Variants in CACNB2 observed in about 807,000 individuals in gnomAD.
CACNB2 encodes calcium voltage-gated channel auxiliary subunit beta 2.
CACNB2 carries 42 observed loss-of-function variants against 73.3 expected under a neutral mutation model. The observed-to-expected ratio is 0.57, with a 90% CI of 0.45 to 0.74. CACNB2 has a LOEUF of 0.74. CACNB2 is among the 30% of genes least tolerant of loss of function. The probability of loss-of-function intolerance (pLI) is 0.00; values close to 1 mark genes in which losing one functional copy is unlikely to be tolerated. For synonymous variants in CACNB2, 348 were observed against 310.3 expected, an observed-to-expected ratio of 1.12 and a Z score of -1.28; for missense variants, 940 against 853.0, an observed-to-expected ratio of 1.10 and a Z score of -1.27.
intron 2 of CACNB2, among the ~76,000 whole-genome samples, chr10:18,153,937 G>T (rs1319439140): frequency 1.3e-5 from 2 of 150,094 alleles, no homozygotes; most frequent in Non-Finnish European, 3.0e-5. Context: ...GTTTTTTAAA[G>T]TAAGTGTATG....
intron 3 of CACNB2, among the ~76,000 whole-genome samples, chr10:18,417,702 C>T (rs967444079): frequency 2.6e-5 from 4 of 152,020 alleles, no homozygotes; most frequent in Non-Finnish European, 5.9e-5. Context: ...CTGTGTATAT[C>T]CTTTTCATGG....
At chr10:18,183,724 G>A (rs61379697) in intron 2 of CACNB2, among the ~76,000 whole-genome samples, 8,918 of 152,214 alleles carry the variant, frequency 0.059, 849 homozygotes, top group African/African-American at 0.2. Flanking sequence ...AGGAGATTTG[G>A]GTAGGGACAA....
intron 2 of CACNB2, among the ~76,000 whole-genome samples, chr10:18,327,552 G>A (rs1052298628): frequency 6.6e-6 from 1 of 152,148 alleles, no homozygotes; most frequent in African/African-American, 2.4e-5. Context: ...AGCCTCCTGA[G>A]TAGGTGGGAT....
At chr10:18,533,801 G>C (rs1220134623) in intron 10 of CACNB2, among the ~76,000 whole-genome samples, 3 of 152,150 alleles carry the variant, frequency 2.0e-5, no homozygotes, top group Admixed American at 2.0e-4. Flanking sequence ...CACAAAGAAT[G>C]TCAGCAGAGA....
chr10:18,390,773 C>T (rs1447612908), intron 2 of CACNB2, among the ~76,000 whole-genome samples: 1 of 152,160 alleles, frequency 6.6e-6, no homozygotes, highest in African/African-American at 2.4e-5. Flanking sequence ...CAGTCACTCA[C>T]ACAATATGTT....
At chr10:18,468,420 C>G (rs1428133767) in intron 3 of CACNB2, among the ~76,000 whole-genome samples, 1 of 152,020 alleles carries the variant, frequency 6.6e-6, no homozygotes, top group Non-Finnish European at 1.5e-5. Flanking sequence ...GAGATGACAC[C>G]ACTGCATTCC....
chr10:18,380,963 C>A (rs113059465), intron 2 of CACNB2, among the ~76,000 whole-genome samples: 1 of 151,770 alleles, frequency 6.6e-6, no homozygotes, highest in Non-Finnish European at 1.5e-5. Flanking sequence ...CCCCTATGTG[C>A]GGAAATCTGT....
At chr10:18,200,084 A>T (rs998558884) in intron 2 of CACNB2, among the ~76,000 whole-genome samples, 2 of 152,048 alleles carry the variant, frequency 1.3e-5, no homozygotes, top group Admixed American at 6.6e-5. Flanking sequence ...TTAAAAATCA[A>T]ACAGACATCC....
chr10:18,427,656 T>A (rs1234656022), intron 3 of CACNB2, among the ~76,000 whole-genome samples: 1 of 152,208 alleles, frequency 6.6e-6, no homozygotes, highest in Admixed American at 6.5e-5. Context: ...TTCAAATTCT[T>A]TAACAGAACC....
intron 3 of CACNB2, among the ~76,000 whole-genome samples, chr10:18,423,763 T>C (rs1188206778): frequency 1.3e-5 from 2 of 152,182 alleles, no homozygotes; most frequent in Non-Finnish European, 2.9e-5. Flanking sequence ...TGCAGACTAT[T>C]GGATTATTCC....
At chr10:18,482,085 G>T (rs774627581) in intron 3 of CACNB2, among the ~76,000 whole-genome samples, 2 of 151,628 alleles carry the variant, frequency 1.3e-5, no homozygotes, top group Non-Finnish European at 2.9e-5. Context: ...GTAGAGATGG[G>T]GTTTTGCCAT....
chr10:18,363,384 G>A (rs1189568292), intron 2 of CACNB2, among the ~76,000 whole-genome samples: 2 of 152,244 alleles, frequency 1.3e-5, no homozygotes, highest in East Asian at 1.9e-4. Flanking sequence ...AGTCACCCCC[G>A]CTTTCTTCCT....
At chr10:18,306,644 A>T (rs2039740423) in intron 2 of CACNB2, among the ~76,000 whole-genome samples, 1 of 152,210 alleles carries the variant, frequency 6.6e-6, no homozygotes, top group African/African-American at 2.4e-5. Flanking sequence ...AATTTGCAGT[A>T]ACCCCAGAGA....
chr10:18,340,710 C>T (rs2041196584), intron 2 of CACNB2: 16 of 1,440,644 alleles, frequency 1.1e-5, no homozygotes, highest in Non-Finnish European at 1.5e-5. Context: ...CTCTGCTCTG[C>T]CTAAGTGGTT....
chr10:18,170,368 A>G (rs1296712405), intron 2 of CACNB2, among the ~76,000 whole-genome samples: 2 of 152,218 alleles, frequency 1.3e-5, no homozygotes, highest in African/African-American at 4.8e-5. Context: ...ACTCCAGGGA[A>G]AGGTGAAAGA....
Position 18,425,271 on chromosome 10 carries a change from T to C in CACNB2, c.333+23228T>C, listed in dbSNP as rs567349145. 9.3e-4 allele frequency among the ~76,000 whole-genome samples: 141 copies of C among 152,332 alleles called. 1 individual carries two copies. The highest frequency in any genetic ancestry group is 3.3e-3 in the African/African-American group (137 of 41,570). The stretch of plus-strand genomic sequence containing the variant: ...TTTGTATTGCTGAAAGGGTTTAATT[T>C]GTAGCTGCTCTTGTCACATTTATAT... On this transcript the variant is annotated intron_variant, in intron 3 of 13. Coordinates refer to ENST00000324631, the MANE Select transcript of CACNB2 (RefSeq NM_201596.3).
rs1324747405 is a variant in CACNB2, at chr10:18,196,270, TG to T, written c.213+45297del. ...ACTACTAAGCTGTTTAACAATACAA[TG>T]GCAGCACCACCACCAACAAAACTTT... On this transcript the variant is annotated intron_variant, in intron 2 of 13. Transcript: ENST00000324631. Among the ~76,000 whole-genome samples the T allele has an allele frequency of 5.3e-5, 8 of 150,326 alleles. No individual in the cohort carries two copies. The East Asian group carries it at 1.6e-3, about 29-fold the overall frequency.
intron 3 of CACNB2, among the ~76,000 whole-genome samples, chr10:18,469,907 C>T (rs1441854633): frequency 6.6e-6 from 1 of 152,140 alleles, no homozygotes; most frequent in Admixed American, 6.5e-5. Flanking sequence ...TTATCCACCC[C>T]AATAAGTCCT....
At chr10:18,450,820 T>G (rs2046986376) in intron 3 of CACNB2, among the ~76,000 whole-genome samples, 1 of 152,020 alleles carries the variant, frequency 6.6e-6, no homozygotes, top group African/African-American at 2.4e-5. Flanking sequence ...ATATTTTTAG[T>G]AGAGACGGGT....
Sources: gnomAD v4.1 joint callset for allele counts (sites outside exome capture counted in the v4.1 genomes callset) on GRCh38, gnomAD v4.1.1 for gene constraint, MANE v1.5 for transcripts, NCBI Gene and HGNC (gene_info 2026-07-23, HGNC 2026-07-21) for gene names.